Variants in ZDHHC14 observed in about 807,000 individuals in gnomAD.
The protein encoded by ZDHHC14 is zDHHC palmitoyltransferase 14, also known as palmitoyltransferase ZDHHC14.
In ZDHHC14, 16 loss-of-function variants were observed where a neutral mutation model predicts 47.7. The ratio of observed to expected loss-of-function variants is 0.34; its 90% CI spans 0.23 to 0.51. The LOEUF is 0.51. Ranked by LOEUF, ZDHHC14 falls within the 20% of genes least tolerant of loss-of-function variation. The pLI is 0.97. For synonymous variants in ZDHHC14, 293 were observed against 278.9 expected, an observed-to-expected ratio of 1.05 and a Z score of -0.50; for missense variants, 515 against 662.5, an observed-to-expected ratio of 0.78 and a Z score of 2.44.
chr6:157,541,083 T>C (rs1582909921), intron 1 of ZDHHC14, among the ~76,000 whole-genome samples: 4 of 152,204 alleles, frequency 2.6e-5, no homozygotes, highest in Admixed American at 2.6e-4. Context: ...CAGATTCACC[T>C]CTTGCTAATA....
intron 1 of ZDHHC14, among the ~76,000 whole-genome samples, chr6:157,439,129 ACATATC>A (rs1247570222): frequency 6.6e-6 from 1 of 152,178 alleles, no homozygotes; most frequent in African/African-American, 2.4e-5. Flanking sequence ...TCCCTGTCTA[ACATATC>A]CATTTATATC....
Position 157,486,972 on chromosome 6 carries a change from T to C in ZDHHC14, c.246-55613T>C, listed in dbSNP as rs1562445123. Reference sequence around the variant, plus strand: ...TGCAGGCCTGAGCCCAGCTACAGCATTGGTAGGTGTTAGCAGCACTTTTGC... The same window carrying C: ...TGCAGGCCTGAGCCCAGCTACAGCACTGGTAGGTGTTAGCAGCACTTTTGC... On this transcript the variant is annotated intron_variant, in intron 1 of 8. Transcript: ENST00000359775. Among the ~76,000 whole-genome samples, 4 of 152,116 alleles carry C rather than the reference T, an allele frequency of 2.6e-5. No homozygotes were observed. The South Asian group carries it at 8.3e-4, about 32-fold the overall frequency.
At chr6:157,462,775 C>T (rs190604535) in intron 1 of ZDHHC14, among the ~76,000 whole-genome samples, 1 of 152,348 alleles carries the variant, frequency 6.6e-6, no homozygotes, top group Non-Finnish European at 1.5e-5. Context: ...CAGCCCAGTG[C>T]CCCCCAGCCC....
intron 2 of ZDHHC14, among the ~76,000 whole-genome samples, chr6:157,559,739 A>G (rs1782633717): frequency 6.6e-6 from 1 of 152,252 alleles, no homozygotes; most frequent in Non-Finnish European, 1.5e-5. Flanking sequence ...TGTTTTGTCC[A>G]GAAAAGAGTC....
intron 3 of ZDHHC14, among the ~76,000 whole-genome samples, chr6:157,603,160 G>T (rs1213933775): frequency 6.6e-6 from 1 of 152,214 alleles, no homozygotes; most frequent in Non-Finnish European, 1.5e-5. Flanking sequence ...GAGGAATCCA[G>T]CCATCTCTGT....
At chr6:157,450,637 C>G (rs1253734274) in intron 1 of ZDHHC14, among the ~76,000 whole-genome samples, 1 of 152,056 alleles carries the variant, frequency 6.6e-6, no homozygotes, top group African/African-American at 2.4e-5. Context: ...TCAACCATTA[C>G]TTTAAAAAAT....
At chr6:157,584,180 G>A (rs940985048) in intron 2 of ZDHHC14, among the ~76,000 whole-genome samples, 5 of 152,272 alleles carry the variant, frequency 3.3e-5, no homozygotes, top group Middle Eastern at 3.4e-3. Context: ...TGAGCTACTG[G>A]TCTGGATGGG....
chr6:157,627,098 A>G (rs1785462913), intron 3 of ZDHHC14, among the ~76,000 whole-genome samples: 1 of 152,156 alleles, frequency 6.6e-6, no homozygotes. Flanking sequence ...ATTATCTTGC[A>G]CTTCCTCTGC....
intron 2 of ZDHHC14, among the ~76,000 whole-genome samples, chr6:157,590,501 A>T (rs1406261675): frequency 6.6e-6 from 1 of 152,204 alleles, no homozygotes; most frequent in Non-Finnish European, 1.5e-5. Context: ...GGTAGCTTCC[A>T]TGTGGTGTTG....
chr6:157,602,416 G>T (rs1385107209), intron 3 of ZDHHC14, among the ~76,000 whole-genome samples: 1 of 151,018 alleles, frequency 6.6e-6, no homozygotes, highest in East Asian at 1.9e-4. Flanking sequence ...CTTGAACCTG[G>T]GAGGCAGAGG....
At chr6:157,623,146 G>T (rs914366766) in intron 3 of ZDHHC14, among the ~76,000 whole-genome samples, 2 of 152,126 alleles carry the variant, frequency 1.3e-5, no homozygotes, top group Non-Finnish European at 2.9e-5. Flanking sequence ...TTAGGGAGTA[G>T]CTCCTCATCT....
chr6:157,509,987 G>A (rs1338510366), intron 1 of ZDHHC14, among the ~76,000 whole-genome samples: 1 of 152,216 alleles, frequency 6.6e-6, no homozygotes, highest in Non-Finnish European at 1.5e-5. Flanking sequence ...GCTCACGCCT[G>A]TAATCCCAGC....
At chr6:157,631,025 C>T (rs1785701350) in intron 4 of ZDHHC14, 1 of 146,876 alleles carries the variant, frequency 6.8e-6, no homozygotes, top group African/African-American at 2.6e-5. Flanking sequence ...TTTACACACC[C>T]ACTCACACAC....
chr6:157,664,800 T>A (rs1185162751), intron 8 of ZDHHC14, among the ~76,000 whole-genome samples: 2 of 152,188 alleles, frequency 1.3e-5, no homozygotes, highest in Non-Finnish European at 1.5e-5. Flanking sequence ...AGCTGCTATC[T>A]TATAAGCCTT....
chr6:157,511,504 C>A (rs1780483305), intron 1 of ZDHHC14, among the ~76,000 whole-genome samples: 1 of 150,826 alleles, frequency 6.6e-6, no homozygotes, highest in Non-Finnish European at 1.5e-5. Flanking sequence ...CCTCAGCCTC[C>A]CGAGTAGCTG....
intron 1 of ZDHHC14, among the ~76,000 whole-genome samples, chr6:157,453,760 T>G (rs968158052): frequency 1.3e-5 from 2 of 151,330 alleles, no homozygotes; most frequent in Admixed American, 6.6e-5. Context: ...TAGATTTTAT[T>G]CATTCTAAGG....
intron 2 of ZDHHC14, among the ~76,000 whole-genome samples, chr6:157,577,703 C>G (rs566352980): frequency 3.3e-5 from 5 of 152,324 alleles, no homozygotes; most frequent in South Asian, 4.1e-4. Flanking sequence ...GCACCTGGCA[C>G]CACACCTGGC....
chr6:157,519,356 T>C (rs4310082), intron 1 of ZDHHC14, among the ~76,000 whole-genome samples: 112,947 of 151,200 alleles, frequency 0.75, 42,772 homozygotes, highest in African/African-American at 0.86. Context: ...TTAACACATA[T>C]TGATAGAAGT....
chr6:157,468,516 TTA>T (rs1246644994), intron 1 of ZDHHC14, among the ~76,000 whole-genome samples: 2 of 152,188 alleles, frequency 1.3e-5, no homozygotes, highest in Non-Finnish European at 1.5e-5. Context: ...CATGTGGCAT[TTA>T]TATGAGTACT....
Sources: gnomAD v4.1 joint callset for allele counts (sites outside exome capture counted in the v4.1 genomes callset) on GRCh38, gnomAD v4.1.1 for gene constraint, MANE v1.5 for transcripts, NCBI Gene and HGNC (gene_info 2026-07-23, HGNC 2026-07-21) for gene names.